Variants in CPO observed in about 807,000 individuals in gnomAD.
The protein encoded by CPO is carboxypeptidase O.
In CPO, 43 loss-of-function variants were observed where a neutral mutation model predicts 41.2. That is an observed-to-expected ratio of 1.04 (90% CI 0.82 to 1.35). CPO has a LOEUF of 1.35. Among genes scored for constraint, CPO ranks in the 40% most tolerant of loss-of-function variants. The probability of loss-of-function intolerance (pLI) is 0.00; values close to 1 mark genes in which losing one functional copy is unlikely to be tolerated. For missense variants in CPO, 408 were observed against 451.7 expected (o/e 0.90, Z 0.88); for synonymous variants, 178 against 162.7 (o/e 1.09, Z -0.72).
chr2:206,962,267 A>T (rs963562597), intron 6 of CPO, 145 bp from the exon 7 acceptor site: 7 of 688,002 alleles, frequency 1.0e-5, no homozygotes, highest in Non-Finnish European at 1.5e-5. Context: ...ATCCAAGTTG[A>T]CTAATTTAGC....
Position 206,962,453 on chromosome 2 carries a change from G to T in CPO, c.616G>T (p.Gly206Trp). ...SRNCQDQTFC[G>W]TGPVSEPETK... ...AAACTGCCAAGATCAAACATTCTGT[G>T]GGACAGGGCCAGTGTCTGAACCAGA... is the stretch of plus-strand genomic sequence containing the variant. The change falls in exon 7 of 9, where the codon GGG becomes TGG. Residue 206 changes from glycine (G) to tryptophan (W), a missense_variant. Coordinates refer to ENST00000272852, the MANE Select transcript of CPO (RefSeq NM_173077.3). The T allele has an allele frequency of 6.2e-7, 1 of 1,614,102 alleles. No homozygotes were observed. Among genetic ancestry groups the T allele is most frequent in the South Asian group, 1.1e-5 (1 of 91,074 alleles).
At chr2:206,967,343 A>ATATATATATC (rs1559075236) in intron 7 of CPO, among the ~76,000 whole-genome samples, 21 of 77,102 alleles carry the variant, frequency 2.7e-4, no homozygotes, top group East Asian at 1.7e-3. Flanking sequence ...ATATATATAT[A>ATATATATATC]TATATATAGA....
chr2:206,957,579 G>A (rs550551158), intron 3 of CPO, among the ~76,000 whole-genome samples: 126 of 152,222 alleles, frequency 8.3e-4, no homozygotes, highest in Non-Finnish European at 1.2e-3. Flanking sequence ...AAATAGCCTT[G>A]GTCTAGGCTA....
intron 6 of CPO, 101 bp downstream of exon 6, chr2:206,961,043 A>G (rs879023082): frequency 2.4e-6 from 2 of 832,854 alleles, no homozygotes; most frequent in South Asian, 1.5e-5. Context: ...AACATCTAAT[A>G]TGGTACAGCT....
intron 1 of CPO, among the ~76,000 whole-genome samples, chr2:206,943,353 G>T (rs905741988): frequency 1.3e-5 from 2 of 152,074 alleles, no homozygotes; most frequent in Admixed American, 1.3e-4. Context: ...GACAGGGAGT[G>T]GGGGGTTGGG....
At chr2:206,967,351 A>ATC (rs1491129937) in intron 7 of CPO, among the ~76,000 whole-genome samples, 10,692 of 138,756 alleles carry the variant, frequency 0.077, 742 homozygotes, top group African/African-American at 0.2. Context: ...ATATATATAT[A>ATC]GATATATAGA....
At position 206,954,030 on chromosome 2, in the gene CPO, G is replaced by A. The variant is rs186188846; in HGVS notation, c.166-1433G>A. On this transcript the variant is annotated intron_variant, in intron 2 of 8. Coordinates refer to ENST00000272852, the MANE Select transcript of CPO (RefSeq NM_173077.3). ...AAGTTCCTATGCTGCACAGAACAAGGGGGCCCTGAATCCAGCCCATGAAAC... is the reference window on the plus strand; with the variant it reads ...AAGTTCCTATGCTGCACAGAACAAGAGGGCCCTGAATCCAGCCCATGAAAC... 1.5e-3 allele frequency among the ~76,000 whole-genome samples: 224 copies of A among 152,276 alleles called. 1 individual carries two copies. Among genetic ancestry groups the A allele is most frequent in the Admixed American group, 5.2e-3 (79 of 15,296 alleles).
intron 1 of CPO, among the ~76,000 whole-genome samples, chr2:206,940,605 A>G (rs532350491): frequency 3.6e-4 from 55 of 151,960 alleles, no homozygotes; most frequent in Non-Finnish European, 6.3e-4. Flanking sequence ...AGTTCTCTAA[A>G]TACATTCTAT....
chr2:206,955,412 C>T, intron 2 of CPO, 51 bp from the exon 3 acceptor site: 2 of 985,562 alleles, frequency 2.0e-6, no homozygotes, highest in Non-Finnish European at 3.3e-6. Context: ...TAATCAGAGG[C>T]ATGCAAACAA....
intron 3 of CPO, among the ~76,000 whole-genome samples, chr2:206,956,599 T>C (rs772846780): frequency 1.3e-5 from 2 of 152,204 alleles, no homozygotes; most frequent in Non-Finnish European, 2.9e-5. Flanking sequence ...ATTTTTACAC[T>C]TGATCATAGC....
chr2:206,946,782 T>TTAGAAAGTCAATTGATTTCCTA (rs1693154052), intron 1 of CPO, among the ~76,000 whole-genome samples: 1 of 152,080 alleles, frequency 6.6e-6, no homozygotes, highest in African/African-American at 2.4e-5. Flanking sequence ...AAAGTTAATA[T>TTAGAAAGTCAATTGATTTCCTA]TAGAAAGTCA....
At chr2:206,954,639 A>G (rs1693325180) in intron 2 of CPO, among the ~76,000 whole-genome samples, 1 of 152,176 alleles carries the variant, frequency 6.6e-6, no homozygotes, top group Non-Finnish European at 1.5e-5. Flanking sequence ...AGGTATCCTT[A>G]TAGAAGCACC....
At chr2:206,959,815 A>G (rs941096978) in intron 5 of CPO, 74 bp downstream of exon 5, 1 of 701,876 alleles carries the variant, frequency 1.4e-6, no homozygotes, top group Admixed American at 2.3e-5. Flanking sequence ...TTCCAATGTT[A>G]TCCATTCCGG....
intron 2 of CPO, among the ~76,000 whole-genome samples, chr2:206,950,939 G>A (rs1693249850): frequency 1.3e-5 from 2 of 151,912 alleles, no homozygotes; most frequent in Admixed American, 1.3e-4. Flanking sequence ...GTGGGGTGGG[G>A]GCCTGGGGGA....
At chr2:206,964,827 C>A (rs1693543508) in intron 7 of CPO, among the ~76,000 whole-genome samples, 1 of 152,184 alleles carries the variant, frequency 6.6e-6, no homozygotes, top group Non-Finnish European at 1.5e-5. Flanking sequence ...AATTAGAGAT[C>A]TTTGATGGAA....
At chr2:206,965,752 G>A (rs189057510) in intron 7 of CPO, among the ~76,000 whole-genome samples, 9 of 152,166 alleles carry the variant, frequency 5.9e-5, no homozygotes, top group Middle Eastern at 3.4e-3. Context: ...TAAGCGGGCC[G>A]GAGGTTTTTA....
In CPO at chr2:206,964,767, T is replaced by C. The variant is rs183966919; in HGVS notation, c.777+2153T>C. ...GGATATTTGTTGTAGATTCCTACTT[T>C]CTGCTTAAAGGGATCTGTGACAAAC... is the stretch of plus-strand genomic sequence containing the variant. On this transcript the variant is annotated intron_variant, in intron 7 of 8. Transcript: ENST00000272852. 2.2e-3 allele frequency among the ~76,000 whole-genome samples: 328 copies of C among 152,350 alleles called. 1 individual carries two copies. Among genetic ancestry groups the C allele is most frequent in the African/African-American group, 7.7e-3 (319 of 41,574 alleles).
chr2:206,953,303 T>TACCCCCA (rs1315211742), intron 2 of CPO, among the ~76,000 whole-genome samples: 2 of 152,126 alleles, frequency 1.3e-5, no homozygotes, highest in African/African-American at 2.4e-5. Context: ...CAAAAGCAAG[T>TACCCCCA]TAGTTACTTC....
chr2:206,955,493 A>T lies in CPO; in HGVS notation c.196A>T (p.Lys66Ter). Residue 66 changes from lysine to a stop codon, truncating the protein, a stop_gained, in exon 3 of 9, where the codon AAG (lysine) becomes TAG (stop). Coordinates refer to ENST00000272852, the MANE Select transcript of CPO (RefSeq NM_173077.3). LOFTEE classifies it high-confidence loss of function. ...IYEWMREISEKYKEVVTQHFL... is the reference protein window; with the variant it reads ...IYEWMREISE Reference sequence around the variant, plus strand: ...TGAGTGGATGAGAGAGATCAGTGAGAAGTACAAGGAAGTGGTGACACAGCA... The same window carrying T: ...TGAGTGGATGAGAGAGATCAGTGAGTAGTACAAGGAAGTGGTGACACAGCA... 1 of 1,610,946 alleles carries T rather than the reference A, an allele frequency of 6.2e-7. No individual in the cohort carries two copies. Among genetic ancestry groups the T allele is most frequent in the Non-Finnish European group, 8.5e-7 (1 of 1,177,060 alleles).
Sources: gnomAD v4.1 joint callset for allele counts (sites outside exome capture counted in the v4.1 genomes callset) on GRCh38, gnomAD v4.1.1 for gene constraint, MANE v1.5 for transcripts, NCBI Gene and HGNC (gene_info 2026-07-23, HGNC 2026-07-21) for gene names.